The following KCNH7 variants were observed in gnomAD, a reference collection of about 807,000 sequenced individuals.
KCNH7 encodes potassium voltage-gated channel subfamily H member 7.
In KCNH7, 49 loss-of-function variants were observed where a neutral mutation model predicts 120.8. The observed-to-expected ratio is 0.41, with a 90% confidence interval of 0.32 to 0.51. KCNH7 has a LOEUF of 0.51. Among genes scored for constraint, KCNH7 ranks in the 20% least tolerant of loss-of-function variants. KCNH7 has a pLI of 0.38. For synonymous variants in KCNH7, 547 were observed against 516.1 expected, an observed-to-expected ratio of 1.06 and a Z score of -0.81; for missense variants, 1,097 against 1,446.6, an observed-to-expected ratio of 0.76 and a Z score of 3.92.
At chr2:162,637,386 A>C (rs1683998750) in intron 2 of KCNH7, among the ~76,000 whole-genome samples, 1 of 152,104 alleles carries the variant, frequency 6.6e-6, no homozygotes, top group South Asian at 2.1e-4. Context: ...AACATACCCG[A>C]TAGTTCCAAG....
intron 2 of KCNH7, among the ~76,000 whole-genome samples, chr2:162,539,668 A>G (rs1392807288): frequency 6.6e-6 from 1 of 152,100 alleles, no homozygotes; most frequent in African/African-American, 2.4e-5. Context: ...TTGGCTCTAA[A>G]GCATATTAAA....
intron 8 of KCNH7, 53 bp from the exon 9 acceptor site, chr2:162,423,588 T>C (rs1033482897): frequency 1.3e-6 from 2 of 1,490,770 alleles, no homozygotes; most frequent in Non-Finnish European, 9.2e-7. Context: ...AGGTGTGTTA[T>C]ATATTGTTAG....
At chr2:162,389,100 A>G (rs1202065489) in intron 12 of KCNH7, among the ~76,000 whole-genome samples, 2 of 151,838 alleles carry the variant, frequency 1.3e-5, no homozygotes, top group Non-Finnish European at 2.9e-5. Context: ...CATCTTTAAC[A>G]CTGTTTGAAT....
At chr2:162,473,208 C>A (rs1254954547) in intron 6 of KCNH7, among the ~76,000 whole-genome samples, 1 of 151,094 alleles carries the variant, frequency 6.6e-6, no homozygotes, top group African/African-American at 2.4e-5. Context: ...TACCCTAGAA[C>A]TTAAAGTATA....
chr2:162,472,237 T>G (rs916126171), intron 6 of KCNH7, among the ~76,000 whole-genome samples: 14 of 151,954 alleles, frequency 9.2e-5, no homozygotes, highest in Non-Finnish European at 1.3e-4. Flanking sequence ...AATTGACAAA[T>G]GGGATCTAAT....
chr2:162,724,185 T>G (rs910427069), intron 2 of KCNH7, among the ~76,000 whole-genome samples: 46 of 152,294 alleles, frequency 3.0e-4, no homozygotes, highest in African/African-American at 1.1e-3. Context: ...CACCTCATAG[T>G]CTTAACAATG....
chr2:162,560,002 A>C (rs1209003387), intron 2 of KCNH7, among the ~76,000 whole-genome samples: 1 of 152,194 alleles, frequency 6.6e-6, no homozygotes, highest in Non-Finnish European at 1.5e-5. Flanking sequence ...TAGTTTTCCA[A>C]AATATTTATT....
At chr2:162,807,483 A>C (rs1291815767) in intron 2 of KCNH7, among the ~76,000 whole-genome samples, 2 of 151,706 alleles carry the variant, frequency 1.3e-5, no homozygotes, top group Non-Finnish European at 2.9e-5. Context: ...AAAAATATTT[A>C]CCTCTAGGGC....
intron 2 of KCNH7, among the ~76,000 whole-genome samples, chr2:162,716,134 G>A (rs1687115818): frequency 6.6e-6 from 1 of 152,058 alleles, no homozygotes; most frequent in Non-Finnish European, 1.5e-5. Flanking sequence ...TTAAAATAGT[G>A]GATTTCCATA....
chr2:162,533,952 G>A (rs1176595312), intron 3 of KCNH7, among the ~76,000 whole-genome samples: 2 of 151,124 alleles, frequency 1.3e-5, no homozygotes, highest in Non-Finnish European at 3.0e-5. Flanking sequence ...ATTACAAAAA[G>A]AGAAATAATA....
chr2:162,646,893 C>CA (rs1339293564), intron 2 of KCNH7, among the ~76,000 whole-genome samples: 2 of 152,108 alleles, frequency 1.3e-5, no homozygotes, highest in Non-Finnish European at 2.9e-5. Flanking sequence ...GAACTTTGAG[C>CA]AAAAAACCCA....
intron 2 of KCNH7, among the ~76,000 whole-genome samples, chr2:162,713,223 G>A (rs1686989761): frequency 6.6e-6 from 1 of 152,240 alleles, no homozygotes; most frequent in Middle Eastern, 3.4e-3. Flanking sequence ...GAGACAACAG[G>A]GATGTAGATT....
chr2:162,624,181 A>G (rs2105201525), intron 2 of KCNH7, among the ~76,000 whole-genome samples: 1 of 152,276 alleles, frequency 6.6e-6, no homozygotes, highest in African/African-American at 2.4e-5. Context: ...GCAGGTGATC[A>G]TCCTCCTAAC....
intron 2 of KCNH7, among the ~76,000 whole-genome samples, chr2:162,637,091 T>C (rs933605248): frequency 6.6e-6 from 1 of 152,128 alleles, no homozygotes; most frequent in African/African-American, 2.4e-5. Context: ...CCCCATGACT[T>C]TGCCTACATC....
chr2:162,424,165 A>G (rs77845089), intron 8 of KCNH7, among the ~76,000 whole-genome samples: 17 of 152,194 alleles, frequency 1.1e-4, no homozygotes, highest in Non-Finnish European at 2.1e-4. Flanking sequence ...TTTTTGCATA[A>G]GAAACATATC....
chr2:162,689,525 G>C (rs1361440620), intron 2 of KCNH7, among the ~76,000 whole-genome samples: 1 of 152,016 alleles, frequency 6.6e-6, no homozygotes, highest in Non-Finnish European at 1.5e-5. Context: ...GTTTTCTGCT[G>C]AAAAAGCAAA....
chr2:162,402,636 G>T lies in KCNH7; in HGVS notation c.2155-2195C>A, dbSNP rs1687097958. On this transcript the variant is annotated intron_variant, in intron 9 of 15. Coordinates refer to ENST00000332142, the MANE Select transcript of KCNH7 (RefSeq NM_033272.4). ...GTCTTTTAAGATTCACCTGTAATAA[G>T]GTACATAAAGGCATTTTAGATTTCA... is the stretch of plus-strand genomic sequence containing the variant. Among the ~76,000 whole-genome samples, 8 of 151,544 alleles carry T rather than the reference G, an allele frequency of 5.3e-5. No individual in the cohort carries two copies. The South Asian group carries it at 1.7e-3, about 32-fold the overall frequency.
At chr2:162,521,319 G>T (rs995550193) in intron 3 of KCNH7, among the ~76,000 whole-genome samples, 1 of 151,790 alleles carries the variant, frequency 6.6e-6, no homozygotes, top group Non-Finnish European at 1.5e-5. Context: ...AGGAAAACTA[G>T]AATATTTAAT....
chr2:162,454,474 T>C (rs1466761852), intron 6 of KCNH7, among the ~76,000 whole-genome samples: 1 of 152,198 alleles, frequency 6.6e-6, no homozygotes, highest in Non-Finnish European at 1.5e-5. Flanking sequence ...GTAGATTTTT[T>C]CTATTTCTGT....
Sources: allele counts gnomAD v4.1 joint callset (sites outside exome capture counted in the v4.1 genomes callset), GRCh38; gene constraint gnomAD v4.1.1; transcripts MANE v1.5; gene names NCBI Gene and HGNC (gene_info 2026-07-23, HGNC 2026-07-21).